Variants in FBXO34 observed in about 807,000 individuals in gnomAD.
FBXO34 encodes the protein F-box protein 34.
A neutral mutation model predicts 24.5 loss-of-function variants in FBXO34; 12 were observed. The ratio of observed to expected loss-of-function variants is 0.49; its 90% CI spans 0.31 to 0.79. The LOEUF is 0.79. FBXO34 is among the 30% of genes least tolerant of loss of function. The pLI, the probability that FBXO34 is intolerant of heterozygous loss-of-function variation, is 0.04. For synonymous variants in FBXO34, 320 were observed against 311.9 expected (o/e 1.03, Z -0.27); for missense variants, 823 against 857.7 (o/e 0.96, Z 0.51).
At chr14:55,398,700 T>G in the FBXO34 span, among the ~76,000 whole-genome samples, 10 of 152,286 alleles carry the variant, frequency 6.6e-5, no homozygotes, top group African/African-American at 2.4e-4. Flanking sequence ...GTGGAGAAAG[T>G]TCCACGCGTA....
chr14:55,337,923 G>A (rs1301295858), intron 1 of FBXO34, among the ~76,000 whole-genome samples: 1 of 151,998 alleles, frequency 6.6e-6, no homozygotes. Context: ...AAGAGCGTAG[G>A]CTTTGACTCC....
the FBXO34 span, among the ~76,000 whole-genome samples, chr14:55,397,843 A>G: frequency 3.3e-5 from 5 of 152,028 alleles, no homozygotes; most frequent in Non-Finnish European, 7.4e-5. Flanking sequence ...ATTTTTAAAA[A>G]TTGTAGACTT....
intron 1 of FBXO34, among the ~76,000 whole-genome samples, chr14:55,291,095 A>G (rs1033117698): frequency 6.6e-6 from 1 of 152,010 alleles, no homozygotes; most frequent in Non-Finnish European, 1.5e-5. Flanking sequence ...CCAAAGTGCT[A>G]TGATTTTAGG....
chr14:55,346,617 CAGAA>C (rs1224702163), intron 1 of FBXO34, among the ~76,000 whole-genome samples: 23 of 151,916 alleles, frequency 1.5e-4, no homozygotes, highest in African/African-American at 5.1e-4. Context: ...GGTCTAGAAA[CAGAA>C]AGAACTCTGA....
intron 1 of FBXO34, among the ~76,000 whole-genome samples, chr14:55,349,176 A>G (rs1159782195): frequency 1.3e-5 from 2 of 152,014 alleles, no homozygotes; most frequent in African/African-American, 2.4e-5. Flanking sequence ...CAAGTTCATT[A>G]GGTTATCTAG....
At chr14:55,289,889 C>G (rs1292866464) in intron 1 of FBXO34, among the ~76,000 whole-genome samples, 1 of 152,038 alleles carries the variant, frequency 6.6e-6, no homozygotes, top group Non-Finnish European at 1.5e-5. Flanking sequence ...GTAGCATACT[C>G]TGTATACTAT....
intron 1 of FBXO34, among the ~76,000 whole-genome samples, chr14:55,280,791 G>T (rs1361019335): frequency 6.6e-6 from 1 of 152,050 alleles, no homozygotes; most frequent in Non-Finnish European, 1.5e-5. Flanking sequence ...CTTCCGAAGT[G>T]CTGGGATTAC....
chr14:55,380,711 C>A, the FBXO34 span: 1 of 1,516,836 alleles, frequency 6.6e-7, no homozygotes, highest in Non-Finnish European at 9.0e-7. Context: ...AAAACAACCA[C>A]CATGTACAAA....
intron 1 of FBXO34, among the ~76,000 whole-genome samples, chr14:55,327,338 G>A (rs1433990176): frequency 6.6e-6 from 1 of 152,154 alleles, no homozygotes. Flanking sequence ...AGAAACCATT[G>A]AAGGGTGTGG....
At chr14:55,431,446 T>C in the FBXO34 span, among the ~76,000 whole-genome samples, 1 of 152,252 alleles carries the variant, frequency 6.6e-6, no homozygotes, top group African/African-American at 2.4e-5. Context: ...AATGTGACCA[T>C]CCTTTCAGCT....
chr14:55,402,970 A>AT, the FBXO34 span, among the ~76,000 whole-genome samples: 95 of 69,460 alleles, frequency 1.4e-3, 4 homozygotes, highest in Non-Finnish European at 2.5e-3. Context: ...TATATATATA[A>AT]ATAGCTGGGC....
At chr14:55,374,792 C>T (rs980739978), downstream of FBXO34, among the ~76,000 whole-genome samples, 3 of 152,228 alleles carry the variant, frequency 2.0e-5, no homozygotes, top group African/African-American at 7.2e-5. Flanking sequence ...AACGCCTCCT[C>T]TATCATAAGA....
the FBXO34 span, chr14:55,424,072 A>G: frequency 2.2e-6 from 2 of 894,570 alleles, no homozygotes; most frequent in East Asian, 2.4e-5. Context: ...TTACTTTACC[A>G]TGGTGAACAA....
At position 55,306,750 on chromosome 14, in the gene FBXO34, T is replaced by C. The variant is rs561657592; in HGVS notation, c.-11+35213T>C. On this transcript the variant is annotated intron_variant, in intron 1 of 1. Coordinates refer to ENST00000313833, the MANE Select transcript of FBXO34 (RefSeq NM_017943.4). The stretch of plus-strand genomic sequence containing the variant: ...CGGGAGGCTGAGGCAGGAGAATTAC[T>C]TGAACCTGGGAGGTGGAGGTTGCAG... Among the ~76,000 whole-genome samples the C allele has an allele frequency of 3.3e-4, 51 of 152,306 alleles. 1 individual carries two copies. Among genetic ancestry groups the C allele is most frequent in the Non-Finnish European group, 7.1e-4 (48 of 68,020 alleles).
chr14:55,299,896 G>A (rs1209838686), intron 1 of FBXO34, among the ~76,000 whole-genome samples: 1 of 152,146 alleles, frequency 6.6e-6, no homozygotes, highest in Non-Finnish European at 1.5e-5. Flanking sequence ...ACTCATGTAG[G>A]AGGGGAAATT....
At position 55,352,379 on chromosome 14, in the gene FBXO34, G is replaced by T. The variant is rs745951101; in HGVS notation, c.1989G>T (p.Gly663=). The part of the protein sequence containing the change: ...PYCQALPYGP[G]YWMCCHRSQK... ...GCCAGGCATTGCCCTATGGGCCAGG[G>T]TATTGGATGTGCTGCCACCGGTCTC... The change falls in exon 2 of 2, where the codon GGG becomes GGT. Residue 663 remains glycine (G), a synonymous_variant. Transcript: ENST00000313833. 1.3e-5 allele frequency: 21 copies of T among 1,614,106 alleles called. No homozygotes were observed. The highest frequency in any genetic ancestry group is 4.0e-5 in the African/African-American group (3 of 74,942).
the FBXO34 span, among the ~76,000 whole-genome samples, chr14:55,428,276 C>G: frequency 1.3e-5 from 2 of 151,794 alleles, no homozygotes; most frequent in Non-Finnish European, 2.9e-5. Flanking sequence ...ACTACAGGCG[C>G]CCGCTGCCAC....
At position 55,353,275 on chromosome 14, in the gene FBXO34, TG is replaced by T. The variant is rs1184267146; in HGVS notation, c.*750del. ...GGATAGTGTTGCGGCTATAATTTTG[TG>T]TTTTTTTTTTTTAATTGTCTAGTCT... On this transcript the variant is annotated 3_prime_UTR_variant, in exon 2 of 2. Coordinates refer to ENST00000313833, the MANE Select transcript of FBXO34 (RefSeq NM_017943.4). The T allele has an allele frequency of 7.6e-6, 1 of 131,410 alleles. No homozygotes were observed. Among genetic ancestry groups the T allele is most frequent in the South Asian group, 2.8e-4 (1 of 3,548 alleles). 8.1% of individuals were successfully genotyped at this position (131,410 alleles called of 1,614,324 possible). A position where few individuals can be genotyped will look rare whatever the true frequency, so the allele number is the denominator to read the frequency against.
intron 1 of FBXO34, among the ~76,000 whole-genome samples, chr14:55,307,209 C>CT (rs1882580774): frequency 1.3e-5 from 2 of 152,146 alleles, no homozygotes; most frequent in Non-Finnish European, 2.9e-5. Flanking sequence ...GATAATGGTT[C>CT]TTTTTTCCGC....
Sources: gnomAD v4.1 joint callset for allele counts (sites outside exome capture counted in the v4.1 genomes callset) on GRCh38, gnomAD v4.1.1 for gene constraint, MANE v1.5 for transcripts, NCBI Gene and HGNC (gene_info 2026-07-23, HGNC 2026-07-21) for gene names.